Variants in EXOC5 observed in about 807,000 individuals in gnomAD.
EXOC5 encodes the protein SEC10-like 1.
In EXOC5, 17 loss-of-function variants were observed where a neutral mutation model predicts 90.8. The ratio of observed to expected loss-of-function variants is 0.19; its 90% CI spans 0.13 to 0.28. EXOC5 has a LOEUF of 0.28. EXOC5 is among the 10% of genes least tolerant of loss of function. EXOC5 has a pLI of 1.00. For missense variants in EXOC5, 569 were observed against 830.6 expected (o/e 0.69, Z 3.87); for synonymous variants, 260 against 270.0 (o/e 0.96, Z 0.36).
intron 5 of EXOC5, among the ~76,000 whole-genome samples, chr14:57,238,365 TATATATATATACACACAC>T (rs1883738534): frequency 1.1e-5 from 1 of 92,338 alleles, no homozygotes; most frequent in African/African-American, 3.6e-5. Context: ...TATATATATA[TATATATATATACACACAC>T]ACACACACAC....
At chr14:57,233,034 A>G (rs897970601) in intron 9 of EXOC5, 1 of 216,112 alleles carries the variant, frequency 4.6e-6, no homozygotes, top group Non-Finnish European at 9.0e-6. Context: ...CATCAAAAAA[A>G]CAAAACTGAG....
At chr14:57,210,955 C>G (rs1215851894) in intron 15 of EXOC5, among the ~76,000 whole-genome samples, 1 of 152,096 alleles carries the variant, frequency 6.6e-6, no homozygotes, top group Non-Finnish European at 1.5e-5. Flanking sequence ...TGACAAGAAA[C>G]AACAGAAGCA....
At position 57,207,390 on chromosome 14, in the gene EXOC5, T is replaced by C. The variant is rs1198434929; in HGVS notation, c.*1219A>G. On this transcript the variant is annotated 3_prime_UTR_variant, in exon 18 of 18. Transcript: ENST00000621441. The stretch of plus-strand genomic sequence containing the variant: ...CTGAAACACTATATATAATTTAGAA[T>C]GCATTCTCCCAGAGCAAGTTTATAA... 1 of 152,526 alleles carries C rather than the reference T, an allele frequency of 6.6e-6. No individual in the cohort carries two copies. The highest frequency in any genetic ancestry group is 1.5e-5 in the Non-Finnish European group (1 of 67,972). 9.4% of individuals were successfully genotyped at this position (152,526 alleles called of 1,614,324 possible).
chr14:57,235,050 A>G (rs1402654209), intron 7 of EXOC5, among the ~76,000 whole-genome samples: 1 of 152,214 alleles, frequency 6.6e-6, no homozygotes, highest in Admixed American at 6.5e-5. Context: ...CAGTAAGGAA[A>G]GCAATATAAA....
chr14:57,260,640 A>G (rs576080593), intron 1 of EXOC5, among the ~76,000 whole-genome samples: 145 of 152,280 alleles, frequency 9.5e-4, no homozygotes, highest in Non-Finnish European at 1.8e-3. Flanking sequence ...TTCCTGTTAC[A>G]CTAGTCTCAG....
At chr14:57,256,676 C>T (rs1425527854) in intron 1 of EXOC5, among the ~76,000 whole-genome samples, 1 of 152,196 alleles carries the variant, frequency 6.6e-6, no homozygotes, top group East Asian at 1.9e-4. Context: ...GTGCTGTCAA[C>T]AAAAAGCCTT....
At chr14:57,214,163 T>C (rs1882906837) in intron 15 of EXOC5, among the ~76,000 whole-genome samples, 1 of 152,120 alleles carries the variant, frequency 6.6e-6, no homozygotes, top group Admixed American at 6.5e-5. Context: ...ACCATTGGCA[T>C]GTCCAGCCTA....
intron 4 of EXOC5, among the ~76,000 whole-genome samples, chr14:57,242,737 G>C (rs572749212): frequency 3.4e-4 from 52 of 152,196 alleles, no homozygotes; most frequent in African/African-American, 1.3e-3. Flanking sequence ...GAGACAGCTA[G>C]GAGTTTATCT....
chr14:57,230,549 A>G (rs1883453600), intron 11 of EXOC5, among the ~76,000 whole-genome samples: 2 of 152,028 alleles, frequency 1.3e-5, no homozygotes, highest in Admixed American at 1.3e-4. Context: ...CTCTCTAATC[A>G]TTATTTAATA....
intron 1 of EXOC5, chr14:57,268,221 G>T (rs1187394266): frequency 1.5e-5 from 4 of 270,628 alleles, no homozygotes; most frequent in Non-Finnish European, 2.8e-5. Context: ...TTCCCGCGAG[G>T]ACCCCAGCGA....
chr14:57,233,785 G>T lies in EXOC5; in HGVS notation c.813C>A (p.Val271=), dbSNP rs369454188. 6.3e-6 allele frequency: 10 copies of T among 1,594,828 alleles called. No individual in the cohort carries two copies. The highest frequency in any genetic ancestry group is 8.6e-6 in the Non-Finnish European group (10 of 1,163,070). The change falls in exon 9 of 18, where the codon GTC becomes GTA. Residue 271 remains valine (V), a synonymous_variant. Coordinates refer to ENST00000621441, the MANE Select transcript of EXOC5 (RefSeq NM_006544.4). The stretch of plus-strand genomic sequence containing the variant: ...ATACATTTTGAATAAGTTTAGCCAG[G>T]ACTGTTTCTGGATTACTGAAGATAT... ...VGDIFSNPET[V]LAKLIQNVFE...
intron 1 of EXOC5, among the ~76,000 whole-genome samples, chr14:57,266,242 G>A (rs1430572919): frequency 6.6e-6 from 1 of 152,186 alleles, no homozygotes; most frequent in Admixed American, 6.5e-5. Flanking sequence ...GACTAAGAAA[G>A]GGAAGCAGGA....
In EXOC5 at chr14:57,205,964, A is replaced by C. The variant is rs1250039447; in HGVS notation, c.*2645T>G. On this transcript the variant is annotated 3_prime_UTR_variant, in exon 18 of 18. Transcript: ENST00000621441. ...CTATTTAATAATTCTTCATAAGGAC[A>C]CTTCATCTACTCTGGTTGACTGTCA... 3 of 456,102 alleles carry C rather than the reference A, an allele frequency of 6.6e-6. No homozygotes were observed. Among genetic ancestry groups the C allele is most frequent in the African/African-American group, 6.0e-5 (3 of 50,026 alleles). The allele number at this position is 456,102 out of a possible 1,614,324, so 28.3% of individuals were successfully genotyped here.
intron 4 of EXOC5, among the ~76,000 whole-genome samples, chr14:57,240,076 C>A (rs1478749196): frequency 6.6e-6 from 1 of 152,258 alleles, no homozygotes; most frequent in South Asian, 2.1e-4. Flanking sequence ...CCACATATAT[C>A]CTACTGTAAG....
intron 1 of EXOC5, among the ~76,000 whole-genome samples, chr14:57,263,447 G>C (rs781619615): frequency 6.7e-6 from 1 of 150,060 alleles, no homozygotes; most frequent in Non-Finnish European, 1.5e-5. Flanking sequence ...TCCAGCCTGG[G>C]TGACAGAGCA....
chr14:57,208,781 T>G lies in EXOC5; in HGVS notation c.1955A>C (p.His652Pro). The change falls in exon 18 of 18, where the codon CAT (histidine) becomes CCT (proline). Residue 652 changes from histidine (H) to proline (P), a missense_variant. Physicochemically the swap from His to Pro is moderately conservative, Grantham distance 77. Around this residue, in one of 9 missense-constraint regions of EXOC5, gnomAD observed 122 missense variants for 180.0 expected, o/e 0.68. Transcript: ENST00000621441. Reference sequence around the variant, plus strand: ...AAGAGCATGCAGAGTATCAAAAAGATGTAATACCATTGGAATCTGAATTGA... The same window carrying G: ...AAGAGCATGCAGAGTATCAAAAAGAGGTAATACCATTGGAATCTGAATTGA... Reference protein sequence around the residue: ...AKDFKIPMVLHLFDTLHALCN... With the variant: ...AKDFKIPMVLPLFDTLHALCN... 1 of 1,584,794 alleles carries G rather than the reference T, an allele frequency of 6.3e-7. No homozygotes were observed. Among genetic ancestry groups the G allele is most frequent in the Non-Finnish European group, 8.6e-7 (1 of 1,156,300 alleles).
At chr14:57,216,703 A>G (rs1882986152) in intron 15 of EXOC5, among the ~76,000 whole-genome samples, 1 of 152,164 alleles carries the variant, frequency 6.6e-6, no homozygotes, top group African/African-American at 2.4e-5. Context: ...AAAACGTAAG[A>G]AAAAAGTTTC....
intron 15 of EXOC5, among the ~76,000 whole-genome samples, chr14:57,213,915 A>G (rs1044928070): frequency 2.0e-5 from 3 of 151,888 alleles, no homozygotes; most frequent in Non-Finnish European, 4.4e-5. Flanking sequence ...GGTTGAAGAG[A>G]GCCAAGATCA....
chr14:57,216,141 A>C (rs1882964379), intron 15 of EXOC5, among the ~76,000 whole-genome samples: 1 of 152,120 alleles, frequency 6.6e-6, no homozygotes, highest in Non-Finnish European at 1.5e-5. Flanking sequence ...AAACCATAGA[A>C]CATTGCCAAA....
Sources: gnomAD v4.1 joint callset for allele counts (sites outside exome capture counted in the v4.1 genomes callset) on GRCh38, gnomAD v4.1.1 for gene constraint, gnomAD v4.1.1 regional missense constraint, MANE v1.5 for transcripts, NCBI Gene and HGNC (gene_info 2026-07-23, HGNC 2026-07-21) for gene names.